ZNF354B: variants seen among roughly 807,000 people sequenced by gnomAD.
ZNF354B encodes zinc finger protein 354B.
In ZNF354B, 10 loss-of-function variants were observed where a neutral mutation model predicts 12.9. The observed-to-expected ratio is 0.77, with a 90% CI of 0.48 to 1.31. ZNF354B has a LOEUF of 1.31. Ranked by LOEUF, ZNF354B falls within the 40% of genes most tolerant of loss-of-function variation. ZNF354B has a pLI of 0.00. For synonymous variants in ZNF354B, 260 were observed against 243.7 expected (o/e 1.07, Z -0.62); for missense variants, 614 against 711.7 (o/e 0.86, Z 1.56).
chr5:178,868,914 G>A (rs1057065219), intron 4 of ZNF354B, among the ~76,000 whole-genome samples: 81 of 151,558 alleles, frequency 5.3e-4, no homozygotes, highest in Non-Finnish European at 5.2e-4. Context: ...GGAACTTGCA[G>A]CGAGCCGAGA....
In ZNF354B at chr5:178,883,060, A is replaced by G. The variant is rs1757743853; in HGVS notation, c.608A>G (p.Asn203Ser). 6.9e-6 allele frequency: 11 copies of G among 1,604,888 alleles called. No individual in the cohort carries two copies. Among genetic ancestry groups the G allele is most frequent in the Non-Finnish European group, 9.3e-6 (11 of 1,177,806 alleles). ...TTCAAGCAGAATTCAAATTTACTTAACCAATCAAAAATCAAAACAGCAGAG... is the reference window on the plus strand; with the variant it reads ...TTCAAGCAGAATTCAAATTTACTTAGCCAATCAAAAATCAAAACAGCAGAG... ...NSFKQNSNLL[N>S]QSKIKTAEKR... is the part of the protein sequence containing the mutation. The change falls in exon 5 of 5, where the codon AAC (asparagine) becomes AGC (serine). Residue 203 changes from asparagine (N) to serine (S), a missense_variant. Coordinates refer to ENST00000322434, the MANE Select transcript of ZNF354B (RefSeq NM_058230.3).
intron 4 of ZNF354B, among the ~76,000 whole-genome samples, chr5:178,871,239 C>T (rs1272380149): frequency 1.3e-5 from 2 of 152,194 alleles, no homozygotes; most frequent in Admixed American, 1.3e-4. Flanking sequence ...CCACTCTGCC[C>T]TTCATTCAAG....
At chr5:178,876,409 G>A (rs1757639034) in intron 4 of ZNF354B, among the ~76,000 whole-genome samples, 1 of 152,248 alleles carries the variant, frequency 6.6e-6, no homozygotes, top group Non-Finnish European at 1.5e-5. Context: ...AGCAAAAATA[G>A]CAGCCTGCCT....
At chr5:178,881,277 A>G (rs1757713276) in intron 4 of ZNF354B, among the ~76,000 whole-genome samples, 1 of 149,924 alleles carries the variant, frequency 6.7e-6, no homozygotes, top group African/African-American at 2.5e-5. Flanking sequence ...AGGTGCTATG[A>G]TGTCTGTTGG....
At chr5:178,862,823 C>G (rs79883863) in intron 2 of ZNF354B, among the ~76,000 whole-genome samples, 22,563 of 152,154 alleles carry the variant, frequency 0.15, 2,051 homozygotes, top group African/African-American at 0.25. Context: ...CTTCTCCATC[C>G]CTGTGTGTGG....
chr5:178,870,612 G>T (rs1295711365), intron 4 of ZNF354B, among the ~76,000 whole-genome samples: 1 of 152,114 alleles, frequency 6.6e-6, no homozygotes, highest in Non-Finnish European at 1.5e-5. Context: ...AAGCCATCTT[G>T]GGTAGGCTGA....
chr5:178,861,361 A>G (rs1757345449), intron 2 of ZNF354B, among the ~76,000 whole-genome samples: 1 of 152,194 alleles, frequency 6.6e-6, no homozygotes, highest in South Asian at 2.1e-4. Flanking sequence ...GAGCAAACGT[A>G]CACACGTGGG....
intron 4 of ZNF354B, among the ~76,000 whole-genome samples, chr5:178,876,698 G>C (rs963165141): frequency 6.6e-6 from 1 of 152,056 alleles, no homozygotes; most frequent in African/African-American, 2.4e-5. Flanking sequence ...TTTCATTTCA[G>C]TTATTATGCT....
intron 4 of ZNF354B, among the ~76,000 whole-genome samples, chr5:178,871,757 C>T (rs146533183): frequency 2.6e-5 from 4 of 152,102 alleles, no homozygotes; most frequent in South Asian, 2.1e-4. Context: ...GGAAGATAAA[C>T]GAGATAGGGT....
At chr5:178,875,008 G>A (rs1177136203) in intron 4 of ZNF354B, among the ~76,000 whole-genome samples, 1 of 152,150 alleles carries the variant, frequency 6.6e-6, no homozygotes. Context: ...AGTAATTTTG[G>A]TGTTAAAGTT....
At position 178,882,821 on chromosome 5, in the gene ZNF354B, A is replaced by G; in HGVS notation, c.369A>G (p.Arg123=). The change falls in exon 5 of 5, where the codon AGA becomes AGG. Residue 123 remains arginine (R), a synonymous_variant. Transcript: ENST00000322434. ...AACCCTGGAACTTCATATCAGAAAGATCCTGCATATATGAAGAGAAATTAA... is the reference window on the plus strand; with the variant it reads ...AACCCTGGAACTTCATATCAGAAAGGTCCTGCATATATGAAGAGAAATTAA... The part of the protein sequence containing the change: ...RDEPWNFISE[R]SCIYEEKLKK... 1 of 1,606,696 alleles carries G rather than the reference A, an allele frequency of 6.2e-7. No homozygotes were observed.
chr5:178,871,101 A>G (rs184510632), intron 4 of ZNF354B, among the ~76,000 whole-genome samples: 1 of 152,290 alleles, frequency 6.6e-6, no homozygotes, highest in Non-Finnish European at 1.5e-5. Context: ...GAGTAAATCA[A>G]CCATATTGCT....
chr5:178,876,291 T>C (rs1757636983), intron 4 of ZNF354B, among the ~76,000 whole-genome samples: 1 of 152,226 alleles, frequency 6.6e-6, no homozygotes, highest in African/African-American at 2.4e-5. Flanking sequence ...GGGAACAGTC[T>C]GGCCGCGTTT....
chr5:178,861,959 C>T (rs111277390), intron 2 of ZNF354B, among the ~76,000 whole-genome samples: 22,030 of 152,100 alleles, frequency 0.14, 1,902 homozygotes, highest in African/African-American at 0.24. Context: ...TACTGCTCAG[C>T]ATATGGTGGT....
chr5:178,875,364 A>AG (rs1757621747), intron 4 of ZNF354B, among the ~76,000 whole-genome samples: 1 of 152,166 alleles, frequency 6.6e-6, no homozygotes, highest in Non-Finnish European at 1.5e-5. Context: ...CAGTCGGCCC[A>AG]GGGTGGGTGA....
chr5:178,870,708 T>A lies in ZNF354B; in HGVS notation c.256+3637T>A, dbSNP rs1320830794. Among the ~76,000 whole-genome samples, 3 of 152,214 alleles carry A rather than the reference T, an allele frequency of 2.0e-5. No individual in the cohort carries two copies. In the East Asian group the frequency reaches 5.8e-4, roughly 29 times the overall value. On this transcript the variant is annotated intron_variant, in intron 4 of 4. Transcript: ENST00000322434. ...CACAGGGAGGACTGTCTTTTCCTGA[T>A]TTGCACAGGATGCTGTGGGGCTTAG...
chr5:178,862,659 C>T (rs546541082), intron 2 of ZNF354B, among the ~76,000 whole-genome samples: 93 of 152,342 alleles, frequency 6.1e-4, no homozygotes, highest in Non-Finnish European at 1.0e-3. Context: ...TGAGCCGCCG[C>T]GCCTGGCGGC....
At chr5:178,862,237 G>A (rs1006226006) in intron 2 of ZNF354B, among the ~76,000 whole-genome samples, 2 of 152,086 alleles carry the variant, frequency 1.3e-5, no homozygotes, top group African/African-American at 4.8e-5. Context: ...AGTAACCTGA[G>A]TACAGTCCAA....
chr5:178,864,600 C>G (rs761824078), intron 2 of ZNF354B, among the ~76,000 whole-genome samples: 8 of 151,728 alleles, frequency 5.3e-5, no homozygotes, highest in Non-Finnish European at 7.4e-5. Flanking sequence ...TTGAATGTTT[C>G]AATAGTTTTT....
Sources: allele counts gnomAD v4.1 joint callset (sites outside exome capture counted in the v4.1 genomes callset), GRCh38; gene constraint gnomAD v4.1.1; transcripts MANE v1.5; gene names NCBI Gene and HGNC (gene_info 2026-07-23, HGNC 2026-07-21).